Variants in SLC7A9 observed in about 807,000 individuals in gnomAD.
The protein encoded by SLC7A9 is solute carrier family 7 member 9.
SLC7A9 carries 38 observed loss-of-function variants against 54.1 expected under a neutral mutation model. The observed-to-expected ratio is 0.70, with a 90% CI of 0.54 to 0.92. The LOEUF is 0.92. Among genes scored for constraint, SLC7A9 ranks in the 40% least tolerant of loss-of-function variants. The pLI is 0.00. For synonymous variants in SLC7A9, 264 were observed against 258.9 expected, an observed-to-expected ratio of 1.02 and a Z score of -0.19; for missense variants, 537 against 636.1, an observed-to-expected ratio of 0.84 and a Z score of 1.68.
chr19:32,842,441 T>G (rs1439993017), intron 10 of SLC7A9, 124 bp from the exon 11 acceptor site: 7 of 914,404 alleles, frequency 7.7e-6, no homozygotes, highest in Non-Finnish European at 1.2e-5. Flanking sequence ...CTTCTAGGCA[T>G]TCCTTCATAG....
chr19:32,836,296 G>T (rs56225290), intron 11 of SLC7A9, among the ~76,000 whole-genome samples: 1 of 152,088 alleles, frequency 6.6e-6, no homozygotes, highest in Non-Finnish European at 1.5e-5. Context: ...TGATGCAACC[G>T]CCTTGGCCTC....
At chr19:32,852,636 T>C (rs1200438656) in intron 9 of SLC7A9, among the ~76,000 whole-genome samples, 3 of 152,198 alleles carry the variant, frequency 2.0e-5, no homozygotes, top group Non-Finnish European at 2.9e-5. Flanking sequence ...TGAATTGATA[T>C]GAACTTGATA....
At chr19:32,842,068 C>A in intron 11 of SLC7A9, 100 bp downstream of exon 11, 1 of 1,163,436 alleles carries the variant, frequency 8.6e-7, no homozygotes, top group South Asian at 1.3e-5. Context: ...AGAGTCAAGT[C>A]AGATTGGAAC....
intron 8 of SLC7A9, among the ~76,000 whole-genome samples, chr19:32,859,497 C>T (rs1455731397): frequency 6.6e-6 from 1 of 152,094 alleles, no homozygotes; most frequent in East Asian, 1.9e-4. Context: ...ACCCCAATGC[C>T]TCTCACCTCT....
Position 32,842,153 on chromosome 19 carries a change from G to T in SLC7A9, c.1224+15C>A. ...AAATCCAAAGCCACTCGTGACTCTG[G>T]GGCTGCAAGCTTACCTTGATAGGCC... On this transcript the variant is annotated intron_variant, in intron 11 of 12. Coordinates refer to ENST00000023064, the MANE Select transcript of SLC7A9 (RefSeq NM_014270.5). The T allele has an allele frequency of 6.2e-7, 1 of 1,613,958 alleles. No individual in the cohort carries two copies. The highest frequency in any genetic ancestry group is 1.3e-5 in the African/African-American group (1 of 75,018).
chr19:32,862,271 G>A, intron 5 of SLC7A9, 54 bp from the exon 6 acceptor site: 1 of 1,474,906 alleles, frequency 6.8e-7, no homozygotes, highest in Non-Finnish European at 9.5e-7. Context: ...GATCTTGAGT[G>A]TATCTCCACG....
In SLC7A9 at chr19:32,842,289, G is replaced by A. The variant is rs1327182779; in HGVS notation, c.1103C>T (p.Pro368Leu). The A allele has an allele frequency of 6.2e-7, 1 of 1,613,850 alleles. No homozygotes were observed. The highest frequency in any genetic ancestry group is 2.2e-5 in the East Asian group (1 of 44,884). Residue 368 changes from proline (P) to leucine (L), a missense_variant, in exon 11 of 13, where the codon CCT becomes CTT. Pro to Leu is a moderately conservative substitution (Grantham distance 98). Coordinates refer to ENST00000023064, the MANE Select transcript of SLC7A9 (RefSeq NM_014270.5). ...ATTGACTAACGAGTTTATGTCACCAGGGATGATATAAATCGTTGCTATGAT... is the reference window on the plus strand; with the variant it reads ...ATTGACTAACGAGTTTATGTCACCAAGGATGATATAAATCGTTGCTATGAT... ...YGIIATIYII[P>L]GDINSLVNYF...
intron 11 of SLC7A9, among the ~76,000 whole-genome samples, chr19:32,836,038 C>T (rs1193821205): frequency 3.3e-5 from 5 of 152,026 alleles, no homozygotes; most frequent in Admixed American, 1.3e-4. Flanking sequence ...CTCAGCCTCC[C>T]GAGTAGCTGG....
intron 5 of SLC7A9, 27 bp from the exon 6 acceptor site, chr19:32,862,244 C>A (rs377171542): frequency 6.4e-7 from 1 of 1,568,152 alleles, no homozygotes; most frequent in Non-Finnish European, 8.8e-7. Flanking sequence ...CAGTGAACGG[C>A]GGGTGTCAAC....
chr19:32,868,731 G>C, intron 1 of SLC7A9, 86 bp from the exon 2 acceptor site: 1 of 648,608 alleles, frequency 1.5e-6, no homozygotes, highest in South Asian at 1.7e-5. Context: ...CAGAGTCAAA[G>C]TCAGTCATTA....
chr19:32,854,310 A>C (rs796708150), intron 9 of SLC7A9, among the ~76,000 whole-genome samples: 6 of 151,738 alleles, frequency 4.0e-5, no homozygotes, highest in African/African-American at 1.4e-4. Context: ...CACCGTACCC[A>C]TGCTGGAAGA....
intron 9 of SLC7A9, among the ~76,000 whole-genome samples, chr19:32,846,846 G>C (rs1489034141): frequency 6.6e-6 from 1 of 152,182 alleles, no homozygotes; most frequent in Non-Finnish European, 1.5e-5. Context: ...TCAGGCAGCA[G>C]CATTTGCAGG....
At chr19:32,851,593 C>T (rs538149876) in intron 9 of SLC7A9, among the ~76,000 whole-genome samples, 273 of 151,910 alleles carry the variant, frequency 1.8e-3, no homozygotes, top group Middle Eastern at 3.4e-3. Context: ...CTAGTTCAAC[C>T]ATTGTGGAAG....
In SLC7A9 at chr19:32,862,668, A is replaced by AT. The variant is rs1250960402; in HGVS notation, c.479-83dup. On this transcript the variant is annotated intron_variant, in intron 4 of 12. Transcript: ENST00000023064. ...GTCTCCTTTCTTTTATATATTTTTT[A>AT]TTTTTTTTTTTTTTTGAGATGGAGT... 223,336 of 979,352 alleles carry AT rather than the reference A, an allele frequency of 0.23. 2,788 individuals carry two copies. The highest frequency in any genetic ancestry group is 0.27 in the Middle Eastern group (695 of 2,574). 60.7% of individuals were successfully genotyped at this position (979,352 alleles called of 1,614,324 possible).
intron 12 of SLC7A9, among the ~76,000 whole-genome samples, chr19:32,832,584 T>G (rs1967831431): frequency 9.3e-6 from 1 of 107,400 alleles, no homozygotes; most frequent in Non-Finnish European, 1.8e-5. Flanking sequence ...TGAGACTGTG[T>G]CTCAAAAAAA....
At chr19:32,832,048 G>A (rs1763405544) in intron 12 of SLC7A9, among the ~76,000 whole-genome samples, 1 of 152,170 alleles carries the variant, frequency 6.6e-6, no homozygotes, top group African/African-American at 2.4e-5. Context: ...GACTGATGCA[G>A]GTGGATCACC....
intron 4 of SLC7A9, among the ~76,000 whole-genome samples, 156 bp downstream of exon 4, chr19:32,863,940 C>T (rs946115278): frequency 1.3e-5 from 2 of 152,176 alleles, no homozygotes; most frequent in African/African-American, 4.8e-5. Flanking sequence ...GCCTGGGGGT[C>T]CCCAGTGTGC....
At chr19:32,834,576 G>A (rs1967901782) in intron 11 of SLC7A9, among the ~76,000 whole-genome samples, 1 of 151,998 alleles carries the variant, frequency 6.6e-6, no homozygotes, top group Non-Finnish European at 1.5e-5. Flanking sequence ...GCTGCAGTGA[G>A]CAAAGAATGT....
chr19:32,856,221 G>A (rs1968623805), intron 9 of SLC7A9, among the ~76,000 whole-genome samples: 2 of 148,940 alleles, frequency 1.3e-5, no homozygotes, highest in South Asian at 4.3e-4. Context: ...CTGAGACGGA[G>A]TCTTGCTCTG....
Sources: allele counts gnomAD v4.1 joint callset (sites outside exome capture counted in the v4.1 genomes callset), GRCh38; gene constraint gnomAD v4.1.1; transcripts MANE v1.5; gene names NCBI Gene and HGNC (gene_info 2026-07-23, HGNC 2026-07-21).